The following NEGR1 variants were observed in gnomAD, a reference collection of about 807,000 sequenced individuals.
NEGR1 encodes the protein IgLON family member 4.
Under a neutral mutation model 40.9 loss-of-function variants are expected in NEGR1, and 10 were observed. The ratio of observed to expected loss-of-function variants is 0.24; its 90% CI spans 0.15 to 0.42. The LOEUF (loss-of-function observed/expected upper bound fraction) is 0.42. Among genes scored for constraint, NEGR1 ranks in the 10% least tolerant of loss-of-function variants. NEGR1 has a pLI of 1.00. For missense variants in NEGR1, 352 were observed against 438.9 expected, an observed-to-expected ratio of 0.80 and a Z score of 1.77; for synonymous variants, 185 against 166.8, an observed-to-expected ratio of 1.11 and a Z score of -0.84.
rs561019834 is a variant in NEGR1 at position 71,938,324 on chromosome 1, G to T, written c.177-3013C>A. On this transcript the variant is annotated intron_variant, in intron 1 of 6. Transcript: ENST00000357731. ...TATAGAGAATACATGTAGTTTAAAG[G>T]TCTAGTATGAGATGACTACATAGAC... Among the ~76,000 whole-genome samples, 6 of 151,090 alleles carry T rather than the reference G, an allele frequency of 4.0e-5. No individual in the cohort carries two copies. In the South Asian group the frequency reaches 1.0e-3, roughly 26 times the overall value.
intron 3 of NEGR1, among the ~76,000 whole-genome samples, chr1:71,729,810 G>A (rs1570268234): frequency 6.9e-6 from 1 of 144,756 alleles, no homozygotes; most frequent in East Asian, 2.1e-4. Flanking sequence ...GCTAATTTTT[G>A]TTTTTTTGTT....
At chr1:71,950,034 T>G (rs1646054998) in intron 1 of NEGR1, among the ~76,000 whole-genome samples, 1 of 152,196 alleles carries the variant, frequency 6.6e-6, no homozygotes, top group South Asian at 2.1e-4. Context: ...TTTATTAAAC[T>G]GAGGAAACCT....
At chr1:71,917,526 C>T (rs760398052) in intron 2 of NEGR1, among the ~76,000 whole-genome samples, 3 of 152,032 alleles carry the variant, frequency 2.0e-5, no homozygotes, top group Non-Finnish European at 4.4e-5. Flanking sequence ...TGCGGTGGCT[C>T]ATGCTTGTAA....
At chr1:71,445,298 G>T (rs1646573608) in intron 6 of NEGR1, among the ~76,000 whole-genome samples, 1 of 143,888 alleles carries the variant, frequency 6.9e-6, no homozygotes. Context: ...CAAGCTCAAT[G>T]CTTTTTTTTT....
chr1:71,664,903 T>C (rs937960385), intron 4 of NEGR1, among the ~76,000 whole-genome samples: 3 of 152,182 alleles, frequency 2.0e-5, no homozygotes, highest in South Asian at 2.1e-4. Flanking sequence ...CTGGGGTAGA[T>C]AACCTTTAAT....
At chr1:71,487,386 G>A (rs904776861) in intron 6 of NEGR1, among the ~76,000 whole-genome samples, 3 of 151,658 alleles carry the variant, frequency 2.0e-5, no homozygotes, top group Non-Finnish European at 4.4e-5. Flanking sequence ...GCTCTTTCCT[G>A]ATGTGTACTT....
At chr1:72,196,497 C>T (rs1435009573) in intron 1 of NEGR1, among the ~76,000 whole-genome samples, 3 of 152,058 alleles carry the variant, frequency 2.0e-5, no homozygotes, top group Non-Finnish European at 4.4e-5. Flanking sequence ...TGGCTGGGCA[C>T]AGTGGCCCAT....
intron 1 of NEGR1, among the ~76,000 whole-genome samples, chr1:72,008,219 G>A (rs1418829949): frequency 6.6e-6 from 1 of 152,060 alleles, no homozygotes; most frequent in Non-Finnish European, 1.5e-5. Context: ...CAGTCATCAT[G>A]TGACCAAGGT....
At chr1:71,691,871 CTT>C (rs566479934) in intron 4 of NEGR1, among the ~76,000 whole-genome samples, 8 of 141,646 alleles carry the variant, frequency 5.6e-5, no homozygotes, top group Admixed American at 7.1e-5. Context: ...ATCTTTCTTT[CTT>C]TTTTTTTTTT....
At chr1:71,974,426 G>GT (rs1257958060) in intron 1 of NEGR1, among the ~76,000 whole-genome samples, 2 of 151,930 alleles carry the variant, frequency 1.3e-5, no homozygotes, top group Admixed American at 6.6e-5. Context: ...TATTAAATTT[G>GT]TTTTTTCTTT....
chr1:71,838,948 T>C (rs1375955671), intron 2 of NEGR1, among the ~76,000 whole-genome samples: 2 of 152,162 alleles, frequency 1.3e-5, no homozygotes, highest in East Asian at 3.9e-4. Flanking sequence ...GTAATGGAGT[T>C]TGAGAAAATG....
chr1:72,163,977 T>C (rs1364881073), intron 1 of NEGR1, among the ~76,000 whole-genome samples: 2 of 151,864 alleles, frequency 1.3e-5, no homozygotes, highest in African/African-American at 4.8e-5. Flanking sequence ...ATACAGGAAG[T>C]ATAAACTAAT....
intron 4 of NEGR1, among the ~76,000 whole-genome samples, chr1:71,650,099 C>A (rs1443617348): frequency 7.1e-6 from 1 of 141,132 alleles, no homozygotes; most frequent in Admixed American, 6.8e-5. Flanking sequence ...TCTGATACTG[C>A]AGATTTTTAT....
chr1:72,095,417 A>G (rs1034166589), intron 1 of NEGR1, among the ~76,000 whole-genome samples: 1 of 152,084 alleles, frequency 6.6e-6, no homozygotes, highest in South Asian at 2.1e-4. Flanking sequence ...TTCTTTAATT[A>G]TAAGAATCAA....
intron 1 of NEGR1, among the ~76,000 whole-genome samples, chr1:71,987,700 G>C (rs1646408038): frequency 2.6e-5 from 4 of 152,142 alleles, no homozygotes. Context: ...ACCCCCATTT[G>C]TGCCACAAAG....
intron 1 of NEGR1, among the ~76,000 whole-genome samples, chr1:72,035,861 A>G (rs1646897318): frequency 6.6e-6 from 1 of 152,182 alleles, no homozygotes; most frequent in African/African-American, 2.4e-5. Context: ...ATGCTCTGGA[A>G]AAGCTCACAT....
intron 3 of NEGR1, among the ~76,000 whole-genome samples, chr1:71,748,786 A>G (rs758241340): frequency 2.6e-5 from 4 of 152,164 alleles, no homozygotes; most frequent in Non-Finnish European, 5.9e-5. Context: ...GGCATGAAAA[A>G]ATGGACAGTG....
chr1:71,887,466 C>T (rs1447002797), intron 2 of NEGR1, among the ~76,000 whole-genome samples: 3 of 152,016 alleles, frequency 2.0e-5, no homozygotes, highest in Non-Finnish European at 2.9e-5. Flanking sequence ...TAGTCTCATT[C>T]CTTGTACTAG....
At chr1:71,928,113 C>CACACATGTATATATACACATATGTAT (rs1553122115) in intron 2 of NEGR1, among the ~76,000 whole-genome samples, 15 of 72,670 alleles carry the variant, frequency 2.1e-4, no homozygotes, top group African/African-American at 9.5e-4. Context: ...TATATATACA[C>CACACATGTATATATACACATATGTAT]ATATGTATAT....
Sources: gnomAD v4.1 joint callset for allele counts (sites outside exome capture counted in the v4.1 genomes callset) on GRCh38, gnomAD v4.1.1 for gene constraint, MANE v1.5 for transcripts, NCBI Gene and HGNC (gene_info 2026-07-23, HGNC 2026-07-21) for gene names.